The following CD44 variants were observed in gnomAD, a reference collection of about 807,000 sequenced individuals.
CD44 encodes the protein CD44 molecule (IN blood group).
In CD44, 49 loss-of-function variants were observed where a neutral mutation model predicts 88.8. The observed-to-expected ratio is 0.55, with a 90% confidence interval of 0.44 to 0.70. The LOEUF (loss-of-function observed/expected upper bound fraction) is 0.70, where lower values mean the gene tolerates loss of function less well. Ranked by LOEUF, CD44 falls within the 30% of genes least tolerant of loss-of-function variation. CD44 has a pLI of 0.00. For missense variants in CD44, 883 were observed against 913.8 expected (o/e 0.97, Z 0.43); for synonymous variants, 325 against 312.3 (o/e 1.04, Z -0.43).
intron 1 of CD44, among the ~76,000 whole-genome samples, chr11:35,161,058 C>A (rs1207692230): frequency 6.6e-6 from 1 of 152,122 alleles, no homozygotes; most frequent in Non-Finnish European, 1.5e-5. Flanking sequence ...GTGGTTGTAA[C>A]CAAGGATACT....
intron 17 of CD44, among the ~76,000 whole-genome samples, chr11:35,224,010 T>C (rs1190390414): frequency 1.3e-5 from 2 of 152,246 alleles, no homozygotes; most frequent in African/African-American, 2.4e-5. Flanking sequence ...GTACCACCCC[T>C]TTTCTAAAAG....
At position 35,232,246 on chromosome 11, in the gene CD44, G is replaced by A. The variant is rs1400942778; in HGVS notation, c.*2913G>A. On this transcript the variant is annotated 3_prime_UTR_variant, in exon 18 of 18. Transcript: ENST00000428726. ...GTGCTGTACAATGACCACTGTTATTGTTACTTTGACTTTTCAGAGCACACC... is the reference window on the plus strand; with the variant it reads ...GTGCTGTACAATGACCACTGTTATTATTACTTTGACTTTTCAGAGCACACC... The A allele has an allele frequency of 6.6e-6, 1 of 152,546 alleles. No homozygotes were observed. Among genetic ancestry groups the A allele is most frequent in the Non-Finnish European group, 1.5e-5 (1 of 68,006 alleles). The allele number at this position is 152,546 out of a possible 1,614,324, so 9.4% of individuals were successfully genotyped here.
Position 35,190,021 on chromosome 11 carries a change from A to G in CD44, c.623A>G (p.Asp208Gly). 1 of 1,614,220 alleles carries G rather than the reference A, an allele frequency of 6.2e-7. No individual in the cohort carries two copies. The highest frequency in any genetic ancestry group is 1.1e-5 in the South Asian group (1 of 91,090). ...FSTVHPIPDEDSPWITDSTDR... is the reference protein window; with the variant it reads ...FSTVHPIPDEGSPWITDSTDR... ...ACTGTACACCCCATCCCAGACGAAG[A>G]CAGTCCCTGGATCACCGACAGCACA... Residue 208 changes from aspartate to glycine, a missense_variant, in exon 5 of 18, where the codon GAC becomes GGC. Transcript: ENST00000428726.
chr11:35,185,581 CCTCT>C (rs138407450), intron 3 of CD44, among the ~76,000 whole-genome samples: 13,156 of 152,110 alleles, frequency 0.086, 620 homozygotes, highest in African/African-American at 0.11. Flanking sequence ...TTCCTCCCTC[CCTCT>C]CTCCATCCAT....
chr11:35,155,446 C>A (rs1166505056), intron 1 of CD44, among the ~76,000 whole-genome samples: 1 of 152,070 alleles, frequency 6.6e-6, no homozygotes, highest in African/African-American at 2.4e-5. Flanking sequence ...TGTGCCACAC[C>A]CTCAACCTTT....
chr11:35,195,753 T>C (rs1320474134), intron 5 of CD44, among the ~76,000 whole-genome samples: 1 of 152,126 alleles, frequency 6.6e-6, no homozygotes, highest in Non-Finnish European at 1.5e-5. Context: ...CTCTTGCTTC[T>C]GGTCTTATTA....
At chr11:35,154,712 A>C (rs1032159799) in intron 1 of CD44, among the ~76,000 whole-genome samples, 2 of 152,166 alleles carry the variant, frequency 1.3e-5, no homozygotes, top group East Asian at 3.9e-4. Context: ...GATTGAACTT[A>C]AGCTACAACC....
intron 5 of CD44, among the ~76,000 whole-genome samples, chr11:35,195,352 C>T (rs1026971498): frequency 7.3e-5 from 11 of 151,466 alleles, no homozygotes; most frequent in Admixed American, 2.0e-4. Context: ...TATAAATAAT[C>T]GTGAGGAAAA....
At chr11:35,145,785 A>G (rs1175537678) in intron 1 of CD44, among the ~76,000 whole-genome samples, 2 of 152,126 alleles carry the variant, frequency 1.3e-5, no homozygotes, top group Non-Finnish European at 2.9e-5. Flanking sequence ...TATATGGGAG[A>G]TGCGGGAGAT....
rs1590829858 is a variant in CD44 at position 35,139,302 on chromosome 11, C to G, written c.-2C>G. The G allele has an allele frequency of 6.4e-7, 1 of 1,559,696 alleles. No individual in the cohort carries two copies. The highest frequency in any genetic ancestry group is 1.4e-5 in the African/African-American group (1 of 73,816). The stretch of plus-strand genomic sequence containing the variant: ...CCGCGCCCTCCGTTCGCTCCGGACA[C>G]CATGGACAAGTTTTGGTGGCACGCA... On this transcript the variant is annotated 5_prime_UTR_variant, in exon 1 of 18. Coordinates refer to ENST00000428726, the MANE Select transcript of CD44 (RefSeq NM_000610.4).
intron 14 of CD44, chr11:35,214,638 C>T (rs1948674667): frequency 2.6e-6 from 1 of 387,490 alleles, no homozygotes; most frequent in Non-Finnish European, 4.6e-6. Flanking sequence ...TTCCTTAATT[C>T]TTATTAAAGT....
rs1239382763 is a variant in CD44, at chr11:35,206,126, A to G, written c.1297A>G (p.Thr433Ala). Reference sequence around the variant, plus strand: ...CATGGTCACAGCAGCCTCAGCTCATACCAGCCATCCAATGCAAGGAAGGAC... The same window carrying G: ...CATGGTCACAGCAGCCTCAGCTCATGCCAGCCATCCAATGCAAGGAAGGAC... ...TTGTAAASAH[T>A]SHPMQGRTTP... The change falls in exon 11 of 18, where the codon ACC (threonine) becomes GCC (alanine). Residue 433 changes from threonine (T) to alanine (A), a missense_variant. By Grantham distance (58) the Thr-to-Ala change is moderately conservative. This residue lies in a region of CD44 where 631 missense variants were observed against 590.9 expected (regional missense o/e 1.07). Coordinates refer to ENST00000428726, the MANE Select transcript of CD44 (RefSeq NM_000610.4). The G allele has an allele frequency of 6.2e-7, 1 of 1,610,618 alleles. No homozygotes were observed. The highest frequency in any genetic ancestry group is 1.1e-5 in the South Asian group (1 of 90,568).
intron 7 of CD44, 102 bp from the exon 8 acceptor site, chr11:35,200,980 T>A: frequency 1.2e-6 from 1 of 837,608 alleles, no homozygotes; most frequent in Non-Finnish European, 2.1e-6. Flanking sequence ...CTGGTATAGA[T>A]GATTCATTGC....
At chr11:35,207,583 C>T (rs1013024605) in intron 11 of CD44, among the ~76,000 whole-genome samples, 3 of 152,192 alleles carry the variant, frequency 2.0e-5, no homozygotes, top group Non-Finnish European at 4.4e-5. Context: ...TTTCTTGCCC[C>T]TGTATACTTT....
At chr11:35,161,458 C>A (rs553761642) in intron 1 of CD44, among the ~76,000 whole-genome samples, 3 of 152,230 alleles carry the variant, frequency 2.0e-5, no homozygotes, top group Non-Finnish European at 4.4e-5. Context: ...TCACCAGTTA[C>A]CAGCAATTGT....
intron 17 of CD44, chr11:35,223,147 A>G: frequency 2.0e-6 from 2 of 985,458 alleles, no homozygotes; most frequent in Non-Finnish European, 2.4e-6. Flanking sequence ...TTGTATAAGG[A>G]ACAAAACTGA....
intron 1 of CD44, among the ~76,000 whole-genome samples, chr11:35,174,285 A>C (rs890855796): frequency 7.2e-5 from 11 of 152,198 alleles, no homozygotes; most frequent in Non-Finnish European, 1.5e-4. Flanking sequence ...AGAACTGTGC[A>C]AGGAAGAGAT....
At chr11:35,160,009 G>A (rs1243581698) in intron 1 of CD44, among the ~76,000 whole-genome samples, 2 of 152,180 alleles carry the variant, frequency 1.3e-5, no homozygotes, top group African/African-American at 4.8e-5. Flanking sequence ...AGGAAAGGAG[G>A]TGGTGGAAAC....
intron 11 of CD44, among the ~76,000 whole-genome samples, chr11:35,207,548 A>G (rs190938786): frequency 5.1e-4 from 78 of 152,356 alleles, no homozygotes; most frequent in Non-Finnish European, 8.8e-5. Flanking sequence ...GGGAAGAATA[A>G]TTCAATGACG....
Sources: allele counts gnomAD v4.1 joint callset (sites outside exome capture counted in the v4.1 genomes callset), GRCh38; gene constraint gnomAD v4.1.1; regional missense constraint gnomAD v4.1.1; transcripts MANE v1.5; gene names NCBI Gene and HGNC (gene_info 2026-07-23, HGNC 2026-07-21).